Variants in GPBP1 observed in about 807,000 individuals in gnomAD.
GPBP1 encodes the protein GC-rich promoter binding protein 1, also known as vasculin.
Under a neutral mutation model 56.5 loss-of-function variants are expected in GPBP1, and 13 were observed. The ratio of observed to expected loss-of-function variants is 0.23; its 90% CI spans 0.15 to 0.37. The LOEUF is 0.37. GPBP1 is among the 10% of genes least tolerant of loss of function. The probability of loss-of-function intolerance (pLI) is 1.00; values close to 1 mark genes in which losing one functional copy is unlikely to be tolerated. For synonymous variants in GPBP1, 204 were observed against 188.9 expected, an observed-to-expected ratio of 1.08 and a Z score of -0.66; for missense variants, 477 against 572.3, an observed-to-expected ratio of 0.83 and a Z score of 1.70.
chr5:57,235,541 C>T (rs1186877769), intron 5 of GPBP1, among the ~76,000 whole-genome samples: 1 of 151,900 alleles, frequency 6.6e-6, no homozygotes, highest in Admixed American at 6.6e-5. Context: ...GATAAGGAAA[C>T]TTAAACACAC....
chr5:57,254,965 A>T (rs138585705), intron 10 of GPBP1, among the ~76,000 whole-genome samples: 55 of 152,368 alleles, frequency 3.6e-4, no homozygotes, highest in African/African-American at 1.3e-3. Flanking sequence ...TGTGACTAAC[A>T]GGCTTGAGTG....
At chr5:57,253,964 G>T (rs941639689) in intron 10 of GPBP1, among the ~76,000 whole-genome samples, 1 of 151,980 alleles carries the variant, frequency 6.6e-6, no homozygotes, top group East Asian at 1.9e-4. Flanking sequence ...TTGAGGCAGG[G>T]TCTTATTCCA....
intron 2 of GPBP1, among the ~76,000 whole-genome samples, chr5:57,200,360 ATTTTTTTTTTTTTT>A: frequency 1.4e-5 from 1 of 69,826 alleles, no homozygotes; most frequent in East Asian, 3.7e-4. Flanking sequence ...ATAAGTTTGA[ATTTTTTTTTTTTTT>A]TTTTTTTTTT....
rs1215112486 is a variant in GPBP1, at chr5:57,217,349, G to C, written c.63+3156G>C. Among the ~76,000 whole-genome samples the C allele has an allele frequency of 2.6e-5, 4 of 152,046 alleles. No homozygotes were observed. The East Asian group carries it at 7.7e-4, about 29-fold the overall frequency. On this transcript the variant is annotated intron_variant, in intron 3 of 11. Transcript: ENST00000506184. ...GCACTTTGGGAGGCCGAGGCGGGCG[G>C]ATCACCTGAGGTCAGGAGTTTGAGA...
chr5:57,204,939 CTACTT>C (rs1055371739), intron 2 of GPBP1, among the ~76,000 whole-genome samples: 13 of 152,120 alleles, frequency 8.5e-5, no homozygotes, highest in African/African-American at 3.1e-4. Context: ...ATATAGTACT[CTACTT>C]ACTTTTATTA....
At chr5:57,232,035 T>A (rs1261404354) in intron 5 of GPBP1, among the ~76,000 whole-genome samples, 1 of 152,128 alleles carries the variant, frequency 6.6e-6, no homozygotes, top group African/African-American at 2.4e-5. Flanking sequence ...GGGGTGGTGG[T>A]GGAATTGAGA....
chr5:57,229,585 C>A (rs1460576179), intron 3 of GPBP1, among the ~76,000 whole-genome samples: 3 of 151,788 alleles, frequency 2.0e-5, no homozygotes, highest in Admixed American at 6.6e-5. Context: ...CTCTGGAGTA[C>A]AGTTGTGTCA....
At chr5:57,191,089 T>A (rs1185705195) in intron 2 of GPBP1, among the ~76,000 whole-genome samples, 1 of 151,768 alleles carries the variant, frequency 6.6e-6, no homozygotes, top group Admixed American at 6.6e-5. Flanking sequence ...CTTAGCTGTT[T>A]TTTTCTTTTC....
intron 2 of GPBP1, among the ~76,000 whole-genome samples, chr5:57,183,078 C>CTT (rs543209665): frequency 1.7e-4 from 26 of 152,136 alleles, no homozygotes; most frequent in Admixed American, 1.4e-3. Context: ...TTTTAAAACT[C>CTT]TTAGTTGCCA....
chr5:57,182,689 T>C (rs1103500), intron 2 of GPBP1, among the ~76,000 whole-genome samples: 150,835 of 152,078 alleles, frequency 0.99, 74,800 homozygotes, highest in East Asian at 1. Context: ...TTAATTCTTA[T>C]TTATTTATTT....
At chr5:57,261,312 T>TTA (rs1741883269) in intron 11 of GPBP1, 30 bp downstream of exon 11, 1 of 1,200,830 alleles carries the variant, frequency 8.3e-7, no homozygotes, top group Non-Finnish European at 1.2e-6. Context: ...ACAACTTCAC[T>TTA]TTTAAACTGC....
chr5:57,246,550 A>G, intron 7 of GPBP1, 66 bp downstream of exon 7: 1 of 1,324,122 alleles, frequency 7.6e-7, no homozygotes, highest in Non-Finnish European at 1.0e-6. Flanking sequence ...TATGGGGGGA[A>G]ATGTTAAAGA....
chr5:57,198,577 G>T (rs1400398215), intron 2 of GPBP1, among the ~76,000 whole-genome samples: 2 of 152,064 alleles, frequency 1.3e-5, no homozygotes, highest in African/African-American at 2.4e-5. Context: ...ATTAGGCCGG[G>T]CGCAGTCACA....
chr5:57,260,442 ATTTG>A (rs932140427), intron 10 of GPBP1, among the ~76,000 whole-genome samples: 2 of 152,132 alleles, frequency 1.3e-5, no homozygotes, highest in South Asian at 2.1e-4. Flanking sequence ...TAAATTTGGT[ATTTG>A]TTCTTGCTTC....
chr5:57,261,704 A>G (rs148730631), intron 11 of GPBP1, among the ~76,000 whole-genome samples: 1 of 152,268 alleles, frequency 6.6e-6, no homozygotes, highest in East Asian at 1.9e-4. Context: ...AGCAAGAGTG[A>G]TAAGAAGTAG....
At chr5:57,261,378 T>C in intron 11 of GPBP1, 96 bp downstream of exon 11, 1 of 716,774 alleles carries the variant, frequency 1.4e-6, no homozygotes, top group Non-Finnish European at 2.5e-6. Context: ...GATTTAGGAA[T>C]TTATCACGAT....
intron 3 of GPBP1, among the ~76,000 whole-genome samples, chr5:57,229,837 C>A (rs544208934): frequency 6.6e-6 from 1 of 152,182 alleles, no homozygotes; most frequent in South Asian, 2.1e-4. Flanking sequence ...CCATGCCTGG[C>A]CTTTTTCAAA....
intron 3 of GPBP1, among the ~76,000 whole-genome samples, chr5:57,229,045 T>G (rs1195836759): frequency 1.3e-5 from 2 of 151,600 alleles, no homozygotes; most frequent in Non-Finnish European, 2.9e-5. Context: ...GCCTGGCCAA[T>G]AATGATCAAA....
At chr5:57,180,173 G>T (rs1473641732) in intron 2 of GPBP1, among the ~76,000 whole-genome samples, 1 of 152,180 alleles carries the variant, frequency 6.6e-6, no homozygotes, top group Non-Finnish European at 1.5e-5. Context: ...GGAAAGCAGT[G>T]GCACAATCTC....
Sources: allele counts gnomAD v4.1 joint callset (sites outside exome capture counted in the v4.1 genomes callset), GRCh38; gene constraint gnomAD v4.1.1; transcripts MANE v1.5; gene names NCBI Gene and HGNC (gene_info 2026-07-23, HGNC 2026-07-21).